Variants in GLI3 observed in about 807,000 individuals in gnomAD.
GLI3 encodes GLI family zinc finger 3.
Under a neutral mutation model 100.8 loss-of-function variants are expected in GLI3, and 20 were observed. The ratio of observed to expected loss-of-function variants is 0.20; its 90% CI spans 0.14 to 0.29. GLI3 has a LOEUF of 0.29. Ranked by LOEUF, GLI3 falls within the 10% of genes least tolerant of loss-of-function variation. GLI3 has a pLI of 1.00. For missense variants in GLI3, 2,040 were observed against 2,128.5 expected (o/e 0.96, Z 0.82); for synonymous variants, 938 against 860.5 (o/e 1.09, Z -1.58).
intron 2 of GLI3, among the ~76,000 whole-genome samples, chr7:42,188,327 T>C (rs1787760868): frequency 6.6e-6 from 1 of 152,172 alleles, no homozygotes. Context: ...ATCTATTGTA[T>C]TGAAGACGAC....
intron 1 of GLI3, 39 bp from the exon 2 acceptor site, chr7:42,223,334 T>TG (rs931777847): frequency 2.8e-5 from 29 of 1,021,242 alleles, no homozygotes; most frequent in East Asian, 1.4e-4. Context: ...TCCAAAATGG[T>TG]GGAAAAAAAA....
At chr7:41,982,813 G>C (rs1787711232) in intron 10 of GLI3, among the ~76,000 whole-genome samples, 1 of 152,122 alleles carries the variant, frequency 6.6e-6, no homozygotes, top group Non-Finnish European at 1.5e-5. Context: ...AAGCATTCCA[G>C]ACAATTTCTG....
At chr7:42,017,964 A>G (rs189862109) in intron 10 of GLI3, among the ~76,000 whole-genome samples, 328 of 152,262 alleles carry the variant, frequency 2.2e-3, no homozygotes, top group Non-Finnish European at 3.5e-3. Flanking sequence ...TCACAGTATG[A>G]TAAGTGAGAA....
chr7:42,257,224 A>G (rs1224454646), intron 1 of GLI3, among the ~76,000 whole-genome samples: 1 of 152,062 alleles, frequency 6.6e-6, no homozygotes. Flanking sequence ...TACTTCTCCA[A>G]TCTAGATACC....
chr7:42,204,264 C>T (rs1788103645), intron 2 of GLI3, among the ~76,000 whole-genome samples: 1 of 152,010 alleles, frequency 6.6e-6, no homozygotes, highest in African/African-American at 2.4e-5. Flanking sequence ...GCAACCTACC[C>T]TGATTGGTAC....
intron 1 of GLI3, among the ~76,000 whole-genome samples, chr7:42,257,326 C>T (rs1789094686): frequency 6.6e-6 from 1 of 151,476 alleles, no homozygotes; most frequent in Admixed American, 6.6e-5. Context: ...AAAAGCAGGC[C>T]CCTGATATTA....
intron 2 of GLI3, among the ~76,000 whole-genome samples, chr7:42,190,271 C>T (rs17172021): frequency 0.12 from 18,355 of 151,838 alleles, 1,148 homozygotes; most frequent in African/African-American, 0.15. Context: ...AAATATATCC[C>T]GAAGCAGGCT....
intron 3 of GLI3, among the ~76,000 whole-genome samples, chr7:42,077,562 T>C (rs551169027): frequency 5.9e-5 from 9 of 151,764 alleles, no homozygotes; most frequent in African/African-American, 2.2e-4. Context: ...CCTCCCAAGG[T>C]AGTGTTAACA....
intron 3 of GLI3, chr7:42,145,553 A>G (rs145880784): frequency 2.0e-5 from 8 of 397,124 alleles, no homozygotes; most frequent in Admixed American, 4.4e-5. Flanking sequence ...AGTTTGCTCA[A>G]TTCTTAATCT....
intron 1 of GLI3, among the ~76,000 whole-genome samples, chr7:42,250,227 T>G (rs187134930): frequency 3.4e-4 from 52 of 152,314 alleles, no homozygotes; most frequent in Non-Finnish European, 5.7e-4. Context: ...AAATCAATTT[T>G]CTTTGTAATA....
chr7:41,978,255 A>G (rs1787562987), intron 11 of GLI3, among the ~76,000 whole-genome samples: 1 of 152,178 alleles, frequency 6.6e-6, no homozygotes, highest in South Asian at 2.1e-4. Flanking sequence ...AACCTCGTAT[A>G]GGGATTAGCT....
intron 3 of GLI3, among the ~76,000 whole-genome samples, chr7:42,106,326 C>T (rs545702582): frequency 6.6e-6 from 1 of 152,228 alleles, no homozygotes; most frequent in Non-Finnish European, 1.5e-5. Context: ...TGTCCCCAGC[C>T]TAAGGCCTCA....
intron 1 of GLI3, among the ~76,000 whole-genome samples, chr7:42,236,494 CCCCCGCGGCGGAGGT>C (rs1030487235): frequency 1.3e-5 from 2 of 152,142 alleles, no homozygotes; most frequent in Non-Finnish European, 2.9e-5. Context: ...GCGGCGGCGG[CCCCCGCGGCGGAGGT>C]CCCCGCGCGC....
At chr7:41,988,978 G>T (rs1787904674) in intron 10 of GLI3, among the ~76,000 whole-genome samples, 3 of 152,158 alleles carry the variant, frequency 2.0e-5, no homozygotes, top group Non-Finnish European at 4.4e-5. Flanking sequence ...ACATGGAGAA[G>T]TAAAGTGACG....
intron 10 of GLI3, among the ~76,000 whole-genome samples, chr7:42,021,299 C>T (rs1583798311): frequency 6.6e-6 from 1 of 152,150 alleles, no homozygotes; most frequent in Admixed American, 6.5e-5. Flanking sequence ...TCTTCTAATC[C>T]TGACATGAAT....
chr7:42,252,000 T>C (rs1014925576), intron 1 of GLI3, among the ~76,000 whole-genome samples: 6 of 152,146 alleles, frequency 3.9e-5, no homozygotes, highest in Admixed American at 2.6e-4. Flanking sequence ...ATCCGATTAC[T>C]GGGTATATAC....
chr7:41,987,544 T>C (rs929549675), intron 10 of GLI3, among the ~76,000 whole-genome samples: 1 of 152,180 alleles, frequency 6.6e-6, no homozygotes, highest in African/African-American at 2.4e-5. Context: ...GAACCTCACA[T>C]AAATGACGAC....
chr7:42,237,976 TCCGCCG>T (rs1206993639), upstream of GLI3: 91 of 146,052 alleles, frequency 6.2e-4, no homozygotes, highest in East Asian at 1.3e-3. Flanking sequence ...CTCCCCGCCC[TCCGCCG>T]CCGCCGCCGC....
intron 3 of GLI3, among the ~76,000 whole-genome samples, chr7:42,121,123 G>A (rs1431135733): frequency 6.6e-6 from 1 of 152,092 alleles, no homozygotes; most frequent in African/African-American, 2.4e-5. Context: ...TTCCCTCTTC[G>A]ACTTGAATCA....
Sources: gnomAD v4.1 joint callset for allele counts (sites outside exome capture counted in the v4.1 genomes callset) on GRCh38, gnomAD v4.1.1 for gene constraint, MANE v1.5 for transcripts, NCBI Gene and HGNC (gene_info 2026-07-23, HGNC 2026-07-21) for gene names.